The following TENM2 variants were observed in gnomAD, a reference collection of about 807,000 sequenced individuals.
The protein encoded by TENM2 is teneurin-2.
TENM2 carries 52 observed loss-of-function variants against 245.2 expected under a neutral mutation model. The observed-to-expected ratio is 0.21, with a 90% CI of 0.17 to 0.27. TENM2 has a LOEUF of 0.27. Ranked by LOEUF, TENM2 falls within the 10% of genes least tolerant of loss-of-function variation. TENM2 has a pLI of 1.00. For synonymous variants in TENM2, 1,363 were observed against 1,438.9 expected (o/e 0.95, Z 1.19); for missense variants, 3,046 against 3,666.8 (o/e 0.83, Z 4.37).
At chr5:167,367,633 G>A (rs1760141234) in intron 1 of TENM2, among the ~76,000 whole-genome samples, 1 of 151,974 alleles carries the variant, frequency 6.6e-6, no homozygotes, top group South Asian at 2.1e-4. Context: ...ATGTAAATAT[G>A]TAGGCTTTTA....
chr5:167,199,353 G>A, the TENM2 span, among the ~76,000 whole-genome samples: 1 of 151,996 alleles, frequency 6.6e-6, no homozygotes, highest in Non-Finnish European at 1.5e-5. Flanking sequence ...ATACCTTCTT[G>A]TAACTGGCAT....
At chr5:167,872,090 C>T (rs1772875082) in intron 2 of TENM2, among the ~76,000 whole-genome samples, 2 of 151,674 alleles carry the variant, frequency 1.3e-5, no homozygotes, top group African/African-American at 2.4e-5. Context: ...CTCAGGAGTT[C>T]GAGACCAGCC....
the TENM2 span, among the ~76,000 whole-genome samples, chr5:167,097,616 C>T: frequency 6.6e-6 from 1 of 152,136 alleles, no homozygotes; most frequent in Non-Finnish European, 1.5e-5. Context: ...TGTACGTTAA[C>T]ATCCAACATC....
the TENM2 span, among the ~76,000 whole-genome samples, chr5:167,158,988 C>T: frequency 6.7e-6 from 1 of 148,636 alleles, no homozygotes; most frequent in Admixed American, 6.8e-5. Context: ...GAGTCTCACT[C>T]TGTCGCCCAG....
At chr5:167,270,116 A>G in the TENM2 span, among the ~76,000 whole-genome samples, 1 of 152,182 alleles carries the variant, frequency 6.6e-6, no homozygotes, top group Non-Finnish European at 1.5e-5. Flanking sequence ...TCAGATTTTC[A>G]GTGTTAAATG....
chr5:167,593,262 T>C (rs1158453388), intron 2 of TENM2, among the ~76,000 whole-genome samples: 1 of 152,194 alleles, frequency 6.6e-6, no homozygotes, highest in Non-Finnish European at 1.5e-5. Flanking sequence ...TGAGTTTTAA[T>C]CGAATCACGA....
At chr5:166,995,239 T>A in the TENM2 span, among the ~76,000 whole-genome samples, 1 of 151,992 alleles carries the variant, frequency 6.6e-6, no homozygotes, top group Non-Finnish European at 1.5e-5. Flanking sequence ...TTCCTTTATT[T>A]TTTATTTATT....
chr5:167,804,699 C>T (rs977106013), intron 2 of TENM2, among the ~76,000 whole-genome samples: 2 of 152,062 alleles, frequency 1.3e-5, no homozygotes, highest in African/African-American at 4.8e-5. Context: ...CACAGCTCAG[C>T]CTCTACTTTC....
chr5:168,204,216 C>T (rs185741931), intron 18 of TENM2, among the ~76,000 whole-genome samples, 156 bp from the exon 21 acceptor site: 191 of 152,122 alleles, frequency 1.3e-3, no homozygotes, highest in Non-Finnish European at 2.0e-3. Context: ...GGGTCCACCT[C>T]TCCCACTGCA....
chr5:167,200,633 A>G, the TENM2 span, among the ~76,000 whole-genome samples: 1 of 152,078 alleles, frequency 6.6e-6, no homozygotes, highest in Non-Finnish European at 1.5e-5. Context: ...TTTGTTAAAC[A>G]TATTTAATTA....
At chr5:167,891,551 C>T (rs1194418385) in intron 3 of TENM2, among the ~76,000 whole-genome samples, 1 of 152,108 alleles carries the variant, frequency 6.6e-6, no homozygotes, top group South Asian at 2.1e-4. Flanking sequence ...ATAGCTGGGG[C>T]TTATGCTGAC....
chr5:168,239,227 TGATTA>T (rs1765879575), intron 25 of TENM2, among the ~76,000 whole-genome samples: 2 of 152,134 alleles, frequency 1.3e-5, no homozygotes, highest in Admixed American at 1.3e-4. Context: ...TAAAGAAATT[TGATTA>T]GATTACACAA....
intron 2 of TENM2, among the ~76,000 whole-genome samples, chr5:167,850,329 C>T (rs1046612258): frequency 1.3e-5 from 2 of 152,102 alleles, no homozygotes; most frequent in Non-Finnish European, 2.9e-5. Context: ...TTCTGAGCTA[C>T]CACAAGGCCA....
chr5:167,311,627 A>G (rs981910728), intron 1 of TENM2, among the ~76,000 whole-genome samples: 6 of 152,302 alleles, frequency 3.9e-5, no homozygotes, highest in South Asian at 2.1e-4. Flanking sequence ...TAGTTCAGTG[A>G]ACATCTTTTA....
intron 3 of TENM2, among the ~76,000 whole-genome samples, chr5:167,914,979 T>C (rs1654121310): frequency 6.6e-6 from 1 of 152,206 alleles, no homozygotes; most frequent in African/African-American, 2.4e-5. Flanking sequence ...GGTCACGTTG[T>C]GTGGTCCTAG....
chr5:167,827,229 T>C (rs1768043779), intron 2 of TENM2, among the ~76,000 whole-genome samples: 3 of 152,240 alleles, frequency 2.0e-5, no homozygotes, highest in Admixed American at 6.5e-5. Flanking sequence ...AGAAACATAA[T>C]TGCTCAGAAT....
At chr5:168,078,232 A>G (rs1364026624) in intron 7 of TENM2, among the ~76,000 whole-genome samples, 1 of 152,108 alleles carries the variant, frequency 6.6e-6, no homozygotes, top group Non-Finnish European at 1.5e-5. Context: ...TCTTCTTTTG[A>G]GAAGTGTCTG....
chr5:167,710,353 AAAC>A (rs1333435438), intron 2 of TENM2, among the ~76,000 whole-genome samples: 1 of 152,154 alleles, frequency 6.6e-6, no homozygotes, highest in African/African-American at 2.4e-5. Context: ...TGGGGGAAAA[AAAC>A]AACAACACAC....
intron 4 of TENM2, among the ~76,000 whole-genome samples, chr5:167,991,044 C>T (rs769916090): frequency 2.6e-5 from 4 of 152,106 alleles, no homozygotes; most frequent in East Asian, 1.9e-4. Context: ...CCTAATGACC[C>T]GCTTGCCAAC....
Sources: allele counts gnomAD v4.1 joint callset (sites outside exome capture counted in the v4.1 genomes callset), GRCh38; gene constraint gnomAD v4.1.1; transcripts MANE v1.5; gene names NCBI Gene and HGNC (gene_info 2026-07-23, HGNC 2026-07-21).